Variants in CDH4 observed in about 807,000 individuals in gnomAD.
CDH4 encodes cadherin-4.
In CDH4, 33 loss-of-function variants were observed where a neutral mutation model predicts 86.0. The ratio of observed to expected loss-of-function variants is 0.38; its 90% CI spans 0.29 to 0.51. CDH4 has a LOEUF of 0.51. Ranked by LOEUF, CDH4 falls within the 20% of genes least tolerant of loss-of-function variation. CDH4 has a pLI of 0.86. For synonymous variants in CDH4, 555 were observed against 549.4 expected, an observed-to-expected ratio of 1.01 and a Z score of -0.14; for missense variants, 1,114 against 1,307.4, an observed-to-expected ratio of 0.85 and a Z score of 2.28.
rs2084879678 is a variant in CDH4, at chr20:61,377,700, A to G, written c.169+122763A>G. On this transcript the variant is annotated intron_variant, in intron 2 of 15. Coordinates refer to ENST00000614565, the MANE Select transcript of CDH4 (RefSeq NM_001794.5). The surrounding 1 kb of genome is among the most constrained non-coding windows in gnomAD (Gnocchi z 4.0). The stretch of plus-strand genomic sequence containing the variant: ...CAAAACCAGAAGTCTTAGGCTGTTA[A>G]TGTGCCATAACCACTGGCTCCAAGC... Among the ~76,000 whole-genome samples the G allele has an allele frequency of 6.6e-6, 1 of 152,210 alleles. No homozygotes were observed. The highest frequency in any genetic ancestry group is 2.1e-4 in the South Asian group (1 of 4,828).
chr20:61,855,107 C>T (rs1982941552), intron 6 of CDH4, among the ~76,000 whole-genome samples: 1 of 141,202 alleles, frequency 7.1e-6, no homozygotes, highest in African/African-American at 2.7e-5. Context: ...CTTTGGCCCA[C>T]CCCCAGGGGT....
intron 2 of CDH4, among the ~76,000 whole-genome samples, chr20:61,385,951 A>C (rs1600926948): frequency 6.6e-6 from 1 of 152,322 alleles, no homozygotes; most frequent in East Asian, 1.9e-4. Flanking sequence ...GCCTGGCACC[A>C]GACTGGAGCT....
At chr20:61,936,711 C>A in intron 15 of CDH4, 26 bp from the exon 16 acceptor site, 1 of 1,507,702 alleles carries the variant, frequency 6.6e-7, no homozygotes, top group Non-Finnish European at 8.9e-7. Context: ...CGTCCTGCAC[C>A]CTAACTCTGT....
chr20:61,692,261 C>A (rs28729600), intron 2 of CDH4, among the ~76,000 whole-genome samples: 19 of 148,460 alleles, frequency 1.3e-4, no homozygotes, highest in Non-Finnish European at 2.7e-4. Context: ...ATGTGTGTGT[C>A]TGTATGTGTG....
At chr20:61,469,799 C>T (rs1314172859) in intron 2 of CDH4, among the ~76,000 whole-genome samples, 2 of 152,070 alleles carry the variant, frequency 1.3e-5, no homozygotes, top group African/African-American at 4.8e-5. Flanking sequence ...TTTCCCAGCA[C>T]CATTTATTGA....
rs78725328 is a variant in CDH4 at position 61,742,491 on chromosome 20, G to A, written c.170-1072G>A. Among the ~76,000 whole-genome samples, 1,329 of 152,244 alleles carry A rather than the reference G, an allele frequency of 8.7e-3. 24 individuals carry two copies. Among genetic ancestry groups the A allele is most frequent in the African/African-American group, 0.029 (1,209 of 41,536 alleles). ...ACTTTATCTAATGTAACAGTGAGTCGCTTTTTTTGGTTTCTCGAATAAATA... is the reference window on the plus strand; with the variant it reads ...ACTTTATCTAATGTAACAGTGAGTCACTTTTTTTGGTTTCTCGAATAAATA... On this transcript the variant is annotated intron_variant, in intron 2 of 15. Coordinates refer to ENST00000614565, the MANE Select transcript of CDH4 (RefSeq NM_001794.5).
At chr20:61,567,563 A>G (rs905905081) in intron 2 of CDH4, among the ~76,000 whole-genome samples, 3 of 152,224 alleles carry the variant, frequency 2.0e-5, no homozygotes, top group Non-Finnish European at 2.9e-5. Flanking sequence ...CTTGGGGCTT[A>G]GGTTTCAACA....
intron 8 of CDH4, among the ~76,000 whole-genome samples, chr20:61,907,849 T>A (rs913324591): frequency 1.3e-5 from 2 of 152,172 alleles, no homozygotes; most frequent in African/African-American, 4.8e-5. Flanking sequence ...CAAAGACGGT[T>A]CCTCCCAATC....
At chr20:61,458,872 A>G (rs961693056) in intron 2 of CDH4, among the ~76,000 whole-genome samples, 3 of 151,474 alleles carry the variant, frequency 2.0e-5, no homozygotes, top group Non-Finnish European at 4.4e-5. Flanking sequence ...CAGTGAATTC[A>G]CGCTCTGCCC....
At chr20:61,378,458 G>A (rs995415457) in intron 2 of CDH4, among the ~76,000 whole-genome samples, 3 of 152,048 alleles carry the variant, frequency 2.0e-5, no homozygotes. Context: ...TCCCTCCCTG[G>A]GTTTCTCCAG....
intron 2 of CDH4, among the ~76,000 whole-genome samples, chr20:61,309,599 G>C (rs1357362294): frequency 6.6e-6 from 1 of 152,256 alleles, no homozygotes; most frequent in Non-Finnish European, 1.5e-5. Flanking sequence ...GAAGAGAAAT[G>C]GTTTATAGAC....
intron 9 of CDH4, among the ~76,000 whole-genome samples, chr20:61,922,513 G>A (rs776887359): frequency 2.0e-5 from 3 of 152,202 alleles, no homozygotes; most frequent in South Asian, 2.1e-4. Flanking sequence ...CCGGGGCTGC[G>A]GTTACAAGTC....
intron 2 of CDH4, among the ~76,000 whole-genome samples, chr20:61,678,510 G>C (rs971520184): frequency 2.0e-5 from 3 of 152,182 alleles, no homozygotes; most frequent in African/African-American, 7.2e-5. Flanking sequence ...ATGACACCAG[G>C]TAGCCAGGAA....
At chr20:61,665,390 C>T (rs34439727) in intron 2 of CDH4, among the ~76,000 whole-genome samples, 22,254 of 152,252 alleles carry the variant, frequency 0.15, 1,954 homozygotes, top group South Asian at 0.27. Context: ...ATCAGTTAAG[C>T]GATGCTAAAA....
chr20:61,867,150 A>T (rs1024244307), intron 6 of CDH4, among the ~76,000 whole-genome samples: 3 of 152,218 alleles, frequency 2.0e-5, no homozygotes, highest in African/African-American at 7.2e-5. Context: ...TGCATGTTTG[A>T]CTCTGAGCCT....
At chr20:61,577,530 A>C (rs2086391839) in intron 2 of CDH4, among the ~76,000 whole-genome samples, 1 of 152,184 alleles carries the variant, frequency 6.6e-6, no homozygotes, top group Non-Finnish European at 1.5e-5. Flanking sequence ...TTTCATGTTG[A>C]AGGGTCTGCA....
chr20:61,612,163 A>G (rs1324563605), intron 2 of CDH4, among the ~76,000 whole-genome samples: 1 of 152,128 alleles, frequency 6.6e-6, no homozygotes, highest in Non-Finnish European at 1.5e-5. Context: ...TATAATTTGT[A>G]AAGATGAAAT....
intron 2 of CDH4, among the ~76,000 whole-genome samples, chr20:61,405,152 GA>G (rs2145483927): frequency 6.6e-6 from 1 of 152,228 alleles, no homozygotes; most frequent in South Asian, 2.1e-4. Context: ...TGGATGTGGA[GA>G]GGTCCTCCAT....
At chr20:61,493,143 T>A (rs2085637426) in intron 2 of CDH4, among the ~76,000 whole-genome samples, 1 of 152,200 alleles carries the variant, frequency 6.6e-6, no homozygotes, top group Non-Finnish European at 1.5e-5. Flanking sequence ...TTGACCAAAG[T>A]GGACTTTTCT....
Sources: gnomAD v4.1 joint callset for allele counts (sites outside exome capture counted in the v4.1 genomes callset) on GRCh38, gnomAD v4.1.1 for gene constraint, Gnocchi (gnomAD v3.1) non-coding constraint, MANE v1.5 for transcripts, NCBI Gene and HGNC (gene_info 2026-07-23, HGNC 2026-07-21) for gene names.